Variants in PLEKHG1 observed in about 807,000 individuals in gnomAD.
PLEKHG1 encodes the protein pleckstrin homology and RhoGEF domain containing G1, also known as pleckstrin homology domain-containing family G member 1.
A neutral mutation model predicts 100.8 loss-of-function variants in PLEKHG1; 44 were observed. The observed-to-expected ratio is 0.44, with a 90% CI of 0.34 to 0.56. PLEKHG1 has a LOEUF of 0.56. PLEKHG1 is among the 20% of genes least tolerant of loss of function. PLEKHG1 has a pLI of 0.01. For synonymous variants in PLEKHG1, 640 were observed against 662.5 expected (o/e 0.97, Z 0.52); for missense variants, 1,545 against 1,720.9 (o/e 0.90, Z 1.81).
At chr6:150,637,380 T>G (rs1778048669) in intron 1 of PLEKHG1, among the ~76,000 whole-genome samples, 1 of 151,976 alleles carries the variant, frequency 6.6e-6, no homozygotes, top group Non-Finnish European at 1.5e-5. Context: ...GTTTGTTTGT[T>G]TGTTTTTGGG....
At chr6:150,743,010 A>G (rs1212244989) in intron 2 of PLEKHG1, among the ~76,000 whole-genome samples, 1 of 152,184 alleles carries the variant, frequency 6.6e-6, no homozygotes, top group Non-Finnish European at 1.5e-5. Flanking sequence ...ACTGATGCAC[A>G]TCCCTTTTCT....
chr6:150,621,935 G>A (rs981825161), intron 1 of PLEKHG1, among the ~76,000 whole-genome samples: 14 of 152,154 alleles, frequency 9.2e-5, no homozygotes, highest in African/African-American at 2.9e-4. Context: ...ACCGTGTTGC[G>A]TCCAGAACTG....
chr6:150,633,651 C>T (rs1777857254), intron 1 of PLEKHG1, among the ~76,000 whole-genome samples: 1 of 152,118 alleles, frequency 6.6e-6, no homozygotes, highest in Admixed American at 6.5e-5. Context: ...AGAAGCCTGA[C>T]TGGGGTCAGA....
intron 14 of PLEKHG1, among the ~76,000 whole-genome samples, chr6:150,829,913 G>A (rs543113321): frequency 1.3e-5 from 2 of 152,256 alleles, no homozygotes; most frequent in African/African-American, 2.4e-5. Flanking sequence ...AAAACTGCTA[G>A]GAGACAAGCA....
intron 1 of PLEKHG1, among the ~76,000 whole-genome samples, chr6:150,728,577 A>G (rs767086069): frequency 8.6e-5 from 13 of 151,820 alleles, no homozygotes; most frequent in Non-Finnish European, 1.6e-4. Context: ...CCCTGTTTCA[A>G]AAAATAAAAA....
intron 3 of PLEKHG1, chr6:150,687,079 A>G (rs1446754195): frequency 6.6e-6 from 1 of 152,640 alleles, no homozygotes; most frequent in Non-Finnish European, 1.5e-5. Context: ...TCCACCTTCA[A>G]ATGGAATTGA....
At chr6:150,771,451 A>G (rs1784710950) in intron 3 of PLEKHG1, among the ~76,000 whole-genome samples, 2 of 152,078 alleles carry the variant, frequency 1.3e-5, no homozygotes, top group African/African-American at 2.4e-5. Flanking sequence ...GAACGAACGA[A>G]CGAGTTGGCA....
intron 1 of PLEKHG1, among the ~76,000 whole-genome samples, chr6:150,730,218 G>T (rs1372175456): frequency 6.6e-6 from 1 of 151,998 alleles, no homozygotes. Flanking sequence ...GACAGTATGT[G>T]CAGATCTGTA....
At chr6:150,662,864 C>T (rs1779249777) in intron 3 of PLEKHG1, 1 of 152,148 alleles carries the variant, frequency 6.6e-6, no homozygotes, top group South Asian at 2.1e-4. Context: ...CAAGTGTCAA[C>T]TATGTATTTT....
chr6:150,654,272 G>A (rs775777850), intron 3 of PLEKHG1, among the ~76,000 whole-genome samples: 1 of 152,216 alleles, frequency 6.6e-6, no homozygotes, highest in Non-Finnish European at 1.5e-5. Flanking sequence ...CTGGTGAGTG[G>A]GGTAACAGGA....
chr6:150,745,191 C>G (rs1783090713), intron 2 of PLEKHG1, among the ~76,000 whole-genome samples: 1 of 152,166 alleles, frequency 6.6e-6, no homozygotes, highest in Non-Finnish European at 1.5e-5. Context: ...AGGCTACAAA[C>G]CTATACAGCA....
At chr6:150,649,799 C>G (rs1258895979) in intron 2 of PLEKHG1, among the ~76,000 whole-genome samples, 1 of 152,098 alleles carries the variant, frequency 6.6e-6, no homozygotes, top group African/African-American at 2.4e-5. Flanking sequence ...ATCACAAGGT[C>G]AGGAGATCGA....
At chr6:150,798,267 A>G (rs180862429) in intron 5 of PLEKHG1, among the ~76,000 whole-genome samples, 1 of 152,320 alleles carries the variant, frequency 6.6e-6, no homozygotes, top group Non-Finnish European at 1.5e-5. Flanking sequence ...TCAGATTCTG[A>G]AGAATCATCA....
intron 3 of PLEKHG1, among the ~76,000 whole-genome samples, chr6:150,707,567 CT>C (rs779354918): frequency 1.3e-5 from 2 of 152,134 alleles, no homozygotes; most frequent in Non-Finnish European, 2.9e-5. Context: ...GCAAGCTTAG[CT>C]CTACCCACTG....
chr6:150,692,542 A>T (rs1780382073), intron 3 of PLEKHG1, among the ~76,000 whole-genome samples: 2 of 152,098 alleles, frequency 1.3e-5, no homozygotes, highest in Non-Finnish European at 2.9e-5. Context: ...CCTTGACCTC[A>T]AAAAAAGCAT....
intron 2 of PLEKHG1, among the ~76,000 whole-genome samples, chr6:150,747,027 T>C (rs1247848565): frequency 1.3e-5 from 2 of 152,248 alleles, no homozygotes; most frequent in Non-Finnish European, 2.9e-5. Context: ...ACTCAGGTGA[T>C]TGAGTAGCTA....
At chr6:150,761,099 C>CTTTTTTTTTTTTTTTTTTTTTT (rs35068801) in intron 2 of PLEKHG1, among the ~76,000 whole-genome samples, 1 of 95,950 alleles carries the variant, frequency 1.0e-5, no homozygotes, top group Non-Finnish European at 2.0e-5. Flanking sequence ...TTCTTTTTTT[C>CTTTTTTTTTTTTTTTTTTTTTT]TTTTTTTTTT....
At chr6:150,752,646 T>C (rs959009906) in intron 2 of PLEKHG1, among the ~76,000 whole-genome samples, 1 of 152,208 alleles carries the variant, frequency 6.6e-6, no homozygotes, top group African/African-American at 2.4e-5. Flanking sequence ...CTTTTAATAC[T>C]TAGGAAAGAT....
At chr6:150,661,078 G>A (rs760208741) in intron 3 of PLEKHG1, among the ~76,000 whole-genome samples, 1 of 152,126 alleles carries the variant, frequency 6.6e-6, no homozygotes. Context: ...CTGAGGAAAG[G>A]TTTCCTCCCC....
Sources: allele counts gnomAD v4.1 joint callset (sites outside exome capture counted in the v4.1 genomes callset), GRCh38; gene constraint gnomAD v4.1.1; transcripts MANE v1.5; gene names NCBI Gene and HGNC (gene_info 2026-07-23, HGNC 2026-07-21).